Variants in SLC4A4 observed in about 807,000 individuals in gnomAD.
SLC4A4 encodes the protein solute carrier family 4 member 4, also known as electrogenic sodium bicarbonate cotransporter 1.
A neutral mutation model predicts 111.5 loss-of-function variants in SLC4A4; 27 were observed. That is an observed-to-expected ratio of 0.24 (90% CI 0.18 to 0.33). The LOEUF (loss-of-function observed/expected upper bound fraction) is 0.33. SLC4A4 is among the 10% of genes least tolerant of loss of function. The probability of loss-of-function intolerance (pLI) is 1.00; values close to 1 mark genes in which losing one functional copy is unlikely to be tolerated. For missense variants in SLC4A4, 909 were observed against 1,315.5 expected (o/e 0.69, Z 4.78); for synonymous variants, 443 against 463.4 (o/e 0.96, Z 0.57).
At chr4:71,461,000 T>C (rs560287268) in intron 12 of SLC4A4, among the ~76,000 whole-genome samples, 1 of 152,242 alleles carries the variant, frequency 6.6e-6, no homozygotes, top group African/African-American at 2.4e-5. Context: ...GACATCAAAA[T>C]TCATATAGGT....
At chr4:71,100,840 C>T (rs1199361515) in intron 2 of SLC4A4, among the ~76,000 whole-genome samples, 1 of 152,170 alleles carries the variant, frequency 6.6e-6, no homozygotes, top group Non-Finnish European at 1.5e-5. Flanking sequence ...CAGTCCCATT[C>T]ACAATTGCCA....
rs545637714 is a variant in SLC4A4 at position 71,483,294 on chromosome 4, A to G, written c.1904-3654A>G. 3.8e-4 allele frequency among the ~76,000 whole-genome samples: 58 copies of G among 151,836 alleles called. No homozygotes were observed. In the East Asian group the frequency reaches 0.011, roughly 28 times the overall value. The stretch of plus-strand genomic sequence containing the variant: ...CCAAGTATTAAGCCAAGTACCCATT[A>G]GTTGTTTTTCCTGATCCTCTTCCTC... On this transcript the variant is annotated intron_variant, in intron 14 of 25. Coordinates refer to ENST00000264485, the MANE Select transcript of SLC4A4 (RefSeq NM_001098484.3).
intron 23 of SLC4A4, among the ~76,000 whole-genome samples, chr4:71,563,581 T>C (rs1737181707): frequency 6.6e-6 from 1 of 151,778 alleles, no homozygotes; most frequent in African/African-American, 2.4e-5. Context: ...ATAGTTTTAA[T>C]TGACTCAATA....
At chr4:71,173,121 G>C (rs1744987955) in intron 2 of SLC4A4, among the ~76,000 whole-genome samples, 1 of 152,156 alleles carries the variant, frequency 6.6e-6, no homozygotes, top group South Asian at 2.1e-4. Flanking sequence ...TGTGACAGAA[G>C]GTAGAAGAAA....
chr4:71,150,577 G>T (rs1744287912), intron 2 of SLC4A4, among the ~76,000 whole-genome samples: 1 of 152,204 alleles, frequency 6.6e-6, no homozygotes, highest in South Asian at 2.1e-4. Context: ...TGCTATAAAG[G>T]TGCTGCCATT....
chr4:71,314,415 G>T (rs948783918), intron 3 of SLC4A4, among the ~76,000 whole-genome samples: 1 of 152,124 alleles, frequency 6.6e-6, no homozygotes, highest in Admixed American at 6.5e-5. Flanking sequence ...TCCCATTACT[G>T]GGTATATACC....
chr4:71,387,977 A>T (rs988773628), intron 6 of SLC4A4, among the ~76,000 whole-genome samples: 1 of 152,084 alleles, frequency 6.6e-6, no homozygotes, highest in South Asian at 2.1e-4. Context: ...CCTACTGAAG[A>T]TCCTCTTTAC....
intron 2 of SLC4A4, among the ~76,000 whole-genome samples, chr4:71,143,387 T>C (rs1490472617): frequency 1.3e-5 from 2 of 152,164 alleles, no homozygotes; most frequent in African/African-American, 4.8e-5. Flanking sequence ...TTTGCTATTG[T>C]GAATAGTGCC....
At chr4:71,301,097 C>T in intron 3 of SLC4A4, 1 of 386,026 alleles carries the variant, frequency 2.6e-6, no homozygotes, top group Non-Finnish European at 5.2e-6. Context: ...GCTGGAAGGA[C>T]ACCTGGCTGT....
intron 3 of SLC4A4, among the ~76,000 whole-genome samples, chr4:71,319,410 T>C (rs1474473239): frequency 6.6e-6 from 1 of 152,032 alleles, no homozygotes; most frequent in Non-Finnish European, 1.5e-5. Context: ...GGAAATTCAT[T>C]GAAAAATTCA....
chr4:71,382,238 TG>T (rs1249573519), intron 6 of SLC4A4, among the ~76,000 whole-genome samples: 2 of 152,166 alleles, frequency 1.3e-5, no homozygotes, highest in African/African-American at 4.8e-5. Flanking sequence ...AGTTTCAGGC[TG>T]GCGAAGGCCT....
At chr4:71,263,905 A>G (rs775343689) in intron 3 of SLC4A4, among the ~76,000 whole-genome samples, 1 of 152,156 alleles carries the variant, frequency 6.6e-6, no homozygotes, top group Non-Finnish European at 1.5e-5. Context: ...TCTTTAAAGA[A>G]CTGTATAGCT....
chr4:71,479,633 A>C (rs1728688628), intron 14 of SLC4A4, among the ~76,000 whole-genome samples: 1 of 151,698 alleles, frequency 6.6e-6, no homozygotes, highest in Non-Finnish European at 1.5e-5. Flanking sequence ...TTCCCTCTTT[A>C]TGAGGTAGGT....
intron 7 of SLC4A4, among the ~76,000 whole-genome samples, chr4:71,411,063 A>G (rs1156479158): frequency 1.3e-5 from 2 of 152,184 alleles, no homozygotes; most frequent in Non-Finnish European, 2.9e-5. Flanking sequence ...TAACCATTCG[A>G]TGACTACCTG....
chr4:71,537,937 C>T (rs891823532), intron 18 of SLC4A4, among the ~76,000 whole-genome samples: 7 of 151,992 alleles, frequency 4.6e-5, no homozygotes, highest in Admixed American at 2.6e-4. Flanking sequence ...TGCTTCTTCG[C>T]GTGGCTGTTG....
chr4:71,112,005 C>T (rs1382474179), intron 2 of SLC4A4, among the ~76,000 whole-genome samples: 2 of 152,164 alleles, frequency 1.3e-5, no homozygotes, highest in African/African-American at 4.8e-5. Context: ...CCTTAAATTT[C>T]TTAATATTCA....
At chr4:71,389,314 A>G (rs929980696) in intron 6 of SLC4A4, among the ~76,000 whole-genome samples, 3 of 152,106 alleles carry the variant, frequency 2.0e-5, no homozygotes, top group African/African-American at 7.2e-5. Flanking sequence ...ACATACTTTG[A>G]TGGTTATCTG....
At chr4:71,537,750 T>C (rs1395438979) in intron 18 of SLC4A4, among the ~76,000 whole-genome samples, 3 of 151,960 alleles carry the variant, frequency 2.0e-5, no homozygotes, top group African/African-American at 2.4e-5. Context: ...GTTTAGAGTG[T>C]ACTCGTTTTA....
At chr4:71,506,116 C>G (rs1731394598) in intron 16 of SLC4A4, among the ~76,000 whole-genome samples, 1 of 152,062 alleles carries the variant, frequency 6.6e-6, no homozygotes, top group African/African-American at 2.4e-5. Context: ...AGTCAGGTAG[C>G]ATGATGCCTC....
Sources: gnomAD v4.1 joint callset for allele counts (sites outside exome capture counted in the v4.1 genomes callset) on GRCh38, gnomAD v4.1.1 for gene constraint, MANE v1.5 for transcripts, NCBI Gene and HGNC (gene_info 2026-07-23, HGNC 2026-07-21) for gene names.